The following SCN11A variants were observed in gnomAD, a reference collection of about 807,000 sequenced individuals.
SCN11A encodes the protein sodium voltage-gated channel alpha subunit 11, also known as sodium channel protein type 11 subunit alpha.
A neutral mutation model predicts 162.2 loss-of-function variants in SCN11A; 122 were observed. The observed-to-expected ratio is 0.75, with a 90% confidence interval of 0.65 to 0.87. SCN11A has a LOEUF of 0.87. Ranked by LOEUF, SCN11A falls within the 40% of genes least tolerant of loss-of-function variation. The pLI is 0.00. For missense variants in SCN11A, 2,015 were observed against 2,181.6 expected (o/e 0.92, Z 1.52); for synonymous variants, 758 against 751.5 (o/e 1.01, Z -0.14).
chr3:39,023,067 G>A (rs1293965047), intron 2 of SCN11A, among the ~76,000 whole-genome samples: 1 of 152,106 alleles, frequency 6.6e-6, no homozygotes, highest in Non-Finnish European at 1.5e-5. Flanking sequence ...TTGTGGTTAT[G>A]CTTTTTAAAA....
In SCN11A at chr3:38,946,782, A is replaced by G; in HGVS notation, c.386+7T>C. On this transcript the variant is annotated splice_region_variant and intron_variant, in intron 6 of 29. Coordinates refer to ENST00000302328, the MANE Select transcript of SCN11A (RefSeq NM_001349253.2). ...TGGACTTAGTAAAAGGTGCAATGAAAGGATATGAATGGACTGAGACTCTAA... is the reference window on the plus strand; with the variant it reads ...TGGACTTAGTAAAAGGTGCAATGAAGGGATATGAATGGACTGAGACTCTAA... The G allele has an allele frequency of 2.6e-6, 4 of 1,560,766 alleles. No homozygotes were observed. Among genetic ancestry groups the G allele is most frequent in the Non-Finnish European group, 3.5e-6 (4 of 1,135,644 alleles).
intron 2 of SCN11A, chr3:39,026,007 T>C (rs1398210634): frequency 6.6e-6 from 1 of 152,182 alleles, no homozygotes; most frequent in Non-Finnish European, 1.5e-5. Flanking sequence ...CAGCAGCACA[T>C]ATACTAAAAT....
At chr3:39,043,936 C>A (rs1406621295) in intron 1 of SCN11A, among the ~76,000 whole-genome samples, 1 of 152,058 alleles carries the variant, frequency 6.6e-6, no homozygotes, top group Non-Finnish European at 1.5e-5. Context: ...GCATTGCCTG[C>A]CTGTCCCAAA....
chr3:38,982,077 G>A (rs938633643), intron 2 of SCN11A, among the ~76,000 whole-genome samples: 6 of 152,146 alleles, frequency 3.9e-5, no homozygotes, highest in Non-Finnish European at 4.4e-5. Flanking sequence ...AACCACAAGG[G>A]ACAAGTGTGG....
chr3:38,898,630 G>A (rs2065645802), intron 17 of SCN11A, among the ~76,000 whole-genome samples: 2 of 152,054 alleles, frequency 1.3e-5, no homozygotes, highest in Non-Finnish European at 2.9e-5. Flanking sequence ...AGATCTTCAC[G>A]GACTTTATAG....
intron 2 of SCN11A, among the ~76,000 whole-genome samples, chr3:38,998,449 T>A (rs1429607482): frequency 6.6e-6 from 1 of 152,202 alleles, no homozygotes; most frequent in Non-Finnish European, 1.5e-5. Context: ...TAAGCTCTTA[T>A]AAGGTAGAAT....
chr3:38,925,443 T>C lies in SCN11A; in HGVS notation c.684A>G (p.Arg228=). ...LLPLRTFRVF[R]ALKAISVVSR... The stretch of plus-strand genomic sequence containing the variant: ...AAACTACTGAAATTGCTTTCAAAGC[T>C]CTGAACACACGGAAGGTACGCAGGG... The change falls in exon 9 of 30, where the codon AGA becomes AGG. Residue 228 remains arginine, a synonymous_variant. Coordinates refer to ENST00000302328, the MANE Select transcript of SCN11A (RefSeq NM_001349253.2). 2 of 1,613,522 alleles carry C rather than the reference T, an allele frequency of 1.2e-6. No individual in the cohort carries two copies.
At chr3:38,901,110 T>C (rs1055370575) in intron 16 of SCN11A, among the ~76,000 whole-genome samples, 27 of 152,292 alleles carry the variant, frequency 1.8e-4, no homozygotes, top group African/African-American at 6.3e-4. Flanking sequence ...ACTACAATTC[T>C]GGGGGGAACC....
chr3:38,977,449 TA>T (rs755698489), intron 2 of SCN11A, among the ~76,000 whole-genome samples: 2 of 152,200 alleles, frequency 1.3e-5, no homozygotes, highest in Non-Finnish European at 2.9e-5. Context: ...TAGATGGTAG[TA>T]ATTTGTAGGC....
chr3:38,957,603 G>C (rs1289731005), intron 3 of SCN11A, among the ~76,000 whole-genome samples: 1 of 152,198 alleles, frequency 6.6e-6, no homozygotes, highest in East Asian at 1.9e-4. Flanking sequence ...CATGAGCCCA[G>C]GGGCCAGTCT....
At chr3:38,866,347 T>C (rs1251258686) in intron 27 of SCN11A, among the ~76,000 whole-genome samples, 2 of 152,140 alleles carry the variant, frequency 1.3e-5, no homozygotes, top group African/African-American at 4.8e-5. Context: ...GCCTCCCAAG[T>C]AGCTGGGATT....
intron 23 of SCN11A, among the ~76,000 whole-genome samples, chr3:38,876,589 C>T (rs932715172): frequency 1.3e-5 from 2 of 152,018 alleles, no homozygotes; most frequent in African/African-American, 4.8e-5. Flanking sequence ...TTACAAATGG[C>T]CAACAAACAT....
At chr3:38,981,724 G>C (rs1055558729) in intron 2 of SCN11A, among the ~76,000 whole-genome samples, 5 of 152,110 alleles carry the variant, frequency 3.3e-5, no homozygotes, top group African/African-American at 1.2e-4. Flanking sequence ...ATAAGGGAGA[G>C]CCTGGCACAG....
At chr3:38,994,827 G>T (rs560573272) in intron 2 of SCN11A, among the ~76,000 whole-genome samples, 1 of 152,116 alleles carries the variant, frequency 6.6e-6, no homozygotes, top group Non-Finnish European at 1.5e-5. Flanking sequence ...ACAGGGCTCT[G>T]GGGGAGAGAC....
At chr3:38,867,500 G>A in intron 26 of SCN11A, 42 bp from the exon 27 acceptor site, 1 of 1,507,422 alleles carries the variant, frequency 6.6e-7, no homozygotes, top group Non-Finnish European at 9.1e-7. Flanking sequence ...ACAATTACTG[G>A]AGAAAAATAT....
rs1177284815 is a variant in SCN11A, at chr3:38,846,111, T to TGTTTC, written c.*578_*582dup. ...TTTTGTTTAGATATAATTTGAACCATGTTTCTTTTCTTTTCTTTTTTGAAA... is the reference window on the plus strand; with the variant it reads ...TTTTGTTTAGATATAATTTGAACCATGTTTCGTTTCTTTTCTTTTCTTTTTTGAAA... On this transcript the variant is annotated 3_prime_UTR_variant, in exon 30 of 30. Coordinates refer to ENST00000302328, the MANE Select transcript of SCN11A (RefSeq NM_001349253.2). 1 of 152,296 alleles carries TGTTTC rather than the reference T, an allele frequency of 6.6e-6. No individual in the cohort carries two copies. The highest frequency in any genetic ancestry group is 2.4e-5 in the African/African-American group (1 of 41,462). 9.4% of individuals were successfully genotyped at this position (152,296 alleles called of 1,614,324 possible).
intron 1 of SCN11A, among the ~76,000 whole-genome samples, chr3:39,043,578 AG>A (rs2032110392): frequency 6.6e-6 from 1 of 152,120 alleles, no homozygotes; most frequent in African/African-American, 2.4e-5. Context: ...AGGCACAGAA[AG>A]CAAACATCAC....
At chr3:38,930,815 T>C (rs753258885) in intron 7 of SCN11A, among the ~76,000 whole-genome samples, 1 of 152,156 alleles carries the variant, frequency 6.6e-6, no homozygotes, top group Non-Finnish European at 1.5e-5. Context: ...ACGTATCCAC[T>C]GTTCATCCAA....
At chr3:39,043,036 G>A (rs994699609) in intron 1 of SCN11A, among the ~76,000 whole-genome samples, 1 of 149,732 alleles carries the variant, frequency 6.7e-6, no homozygotes, top group Non-Finnish European at 1.5e-5. Flanking sequence ...AAAACAAGAC[G>A]TACAAATGGC....
Sources: gnomAD v4.1 joint callset for allele counts (sites outside exome capture counted in the v4.1 genomes callset) on GRCh38, gnomAD v4.1.1 for gene constraint, MANE v1.5 for transcripts, NCBI Gene and HGNC (gene_info 2026-07-23, HGNC 2026-07-21) for gene names.